PCDHA5: variants seen among roughly 807,000 people sequenced by gnomAD.
PCDHA5 encodes protocadherin alpha-5.
In PCDHA5, 43 loss-of-function variants were observed where a neutral mutation model predicts 61.6. The observed-to-expected ratio is 0.70, with a 90% confidence interval of 0.55 to 0.90. The LOEUF is 0.90. PCDHA5 is among the 40% of genes least tolerant of loss of function. PCDHA5 has a pLI of 0.00. For missense variants in PCDHA5, 1,298 were observed against 1,222.7 expected, an observed-to-expected ratio of 1.06 and a Z score of -0.92; for synonymous variants, 627 against 543.9, an observed-to-expected ratio of 1.15 and a Z score of -2.13.
intron 1 of PCDHA5, among the ~76,000 whole-genome samples, chr5:140,838,280 A>ATTTTT (rs2150286950): frequency 0.017 from 2,338 of 139,538 alleles, 73 homozygotes; most frequent in African/African-American, 0.061. Flanking sequence ...AGCCATGCTA[A>ATTTTT]TTTTTTTTTT....
chr5:140,951,318 G>C (rs2094570791), intron 1 of PCDHA5, among the ~76,000 whole-genome samples: 1 of 152,038 alleles, frequency 6.6e-6, no homozygotes, highest in Non-Finnish European at 1.5e-5. Context: ...TGTTATTCTT[G>C]AGATTCATCA....
At chr5:140,876,223 T>C (rs2056212607) in intron 1 of PCDHA5, 2 of 1,613,782 alleles carry the variant, frequency 1.2e-6, no homozygotes, top group Non-Finnish European at 1.7e-6. Flanking sequence ...TAAAGTAGTG[T>C]TGTCTGAAAA....
intron 1 of PCDHA5, chr5:140,883,657 C>A (rs782568456): frequency 1.2e-6 from 2 of 1,613,470 alleles, no homozygotes; most frequent in East Asian, 4.5e-5. Context: ...ACACGGTGTT[C>A]GTGAAGGAAA....
intron 1 of PCDHA5, among the ~76,000 whole-genome samples, chr5:140,963,059 A>G (rs1307714661): frequency 6.6e-6 from 1 of 152,162 alleles, no homozygotes; most frequent in Non-Finnish European, 1.5e-5. Context: ...GGGTTTCTAC[A>G]TTGTGAAGGA....
In PCDHA5 at chr5:140,937,565, T is replaced by C. The variant is rs528061401; in HGVS notation, c.2353-41384T>C. ...CTGCGAGGCAGAGGTTGCAGTGAGC[T>C]GGGATCGCGTCACTGCACTCTAGCC... On this transcript the variant is annotated intron_variant, in intron 1 of 3. Transcript: ENST00000529859. Among the ~76,000 whole-genome samples the C allele has an allele frequency of 1.9e-3, 290 of 151,276 alleles. 1 individual carries two copies. The highest frequency in any genetic ancestry group is 6.8e-3 in the African/African-American group (279 of 40,958).
chr5:140,921,267 A>G (rs1371688460), intron 1 of PCDHA5, among the ~76,000 whole-genome samples: 2 of 152,168 alleles, frequency 1.3e-5, no homozygotes, highest in Non-Finnish European at 2.9e-5. Flanking sequence ...AGACTTTTAT[A>G]CTTACTTGAA....
At chr5:140,842,245 G>A in intron 1 of PCDHA5, 1 of 1,611,970 alleles carries the variant, frequency 6.2e-7, no homozygotes. Context: ...GGGGTAATTT[G>A]GATTTTGAAC....
At position 140,877,496 on chromosome 5, in the gene PCDHA5, C is replaced by T. The variant is rs563591404; in HGVS notation, c.2352+53369C>T. On this transcript the variant is annotated intron_variant, in intron 1 of 3. Transcript: ENST00000529859. ...GTGTCGCTGGTGGAGAACGGCCAGG[C>T]CCCAAAGACGTCGTCGCGGGCCTCA... 24 of 1,613,862 alleles carry T rather than the reference C, an allele frequency of 1.5e-5. No individual in the cohort carries two copies. In the East Asian group the frequency reaches 4.9e-4, roughly 33 times the overall value.
chr5:141,009,701 C>G lies in PCDHA5; in HGVS notation c.2575C>G (p.Pro859Ala). The G allele has an allele frequency of 6.2e-7, 1 of 1,614,036 alleles. No homozygotes were observed. Among genetic ancestry groups the G allele is most frequent in the South Asian group, 1.1e-5 (1 of 91,056 alleles). The change falls in exon 4 of 4, where the codon CCA (proline) becomes GCA (alanine). Residue 859 changes from proline to alanine, a missense_variant. Coordinates refer to ENST00000529859, the MANE Select transcript of PCDHA5 (RefSeq NM_018908.3). ...NSNSWTFKYG[P>A]GNPKQSGPGE... ...CAACAGCTGGACCTTTAAATACGGA[C>G]CAGGCAACCCCAAACAATCCGGTCC...
At chr5:140,941,424 C>A (rs909959554) in intron 1 of PCDHA5, among the ~76,000 whole-genome samples, 2 of 148,790 alleles carry the variant, frequency 1.3e-5, no homozygotes, top group African/African-American at 5.0e-5. Flanking sequence ...TCAAGCAATT[C>A]TCTGCCTCAG....
chr5:140,822,174 CAG>C lies in PCDHA5; in HGVS notation c.401_402del (p.Arg134ThrfsTer44), dbSNP rs2150114335. 10 of 1,614,246 alleles carry C rather than the reference CAG, an allele frequency of 6.2e-6. No homozygotes were observed. In the East Asian group the frequency reaches 2.0e-4, roughly 32 times the overall value. On this transcript the variant is annotated frameshift_variant, in exon 1 of 4. Coordinates refer to ENST00000529859, the MANE Select transcript of PCDHA5 (RefSeq NM_018908.3). LOFTEE classifies it high-confidence loss of function. The part of the protein sequence containing the change: ...DINDNPPRFS[R>X]QEQRLFILES... ...TCAATGACAATCCGCCCAGGTTCTC[CAG>C]ACAAGAACAAAGATTATTCATTTTA...
intron 1 of PCDHA5, among the ~76,000 whole-genome samples, chr5:140,827,602 C>T (rs2150148400): frequency 1.3e-5 from 2 of 152,268 alleles, no homozygotes; most frequent in Non-Finnish European, 2.9e-5. Flanking sequence ...CAGATGTGGG[C>T]AAGTTTCTTT....
chr5:140,866,758 A>T (rs1554160534), intron 1 of PCDHA5: 1 of 152,196 alleles, frequency 6.6e-6, no homozygotes, highest in Non-Finnish European at 1.5e-5. Flanking sequence ...CTAACAGGAC[A>T]TACAGGCAGA....
intron 2 of PCDHA5, among the ~76,000 whole-genome samples, chr5:140,980,152 C>G (rs1554241475): frequency 6.6e-6 from 1 of 152,040 alleles, no homozygotes; most frequent in African/African-American, 2.4e-5. Context: ...CATGCATATA[C>G]CAGAATATTA....
intron 1 of PCDHA5, chr5:140,848,507 A>G: frequency 1.3e-6 from 2 of 1,588,934 alleles, no homozygotes. Flanking sequence ...TGTTATACTC[A>G]AGTCGAGGAG....
intron 1 of PCDHA5, among the ~76,000 whole-genome samples, chr5:140,959,419 A>G (rs1554224077): frequency 2.0e-5 from 3 of 152,150 alleles, no homozygotes; most frequent in Non-Finnish European, 4.4e-5. Context: ...TTGATCTGAG[A>G]ATTTGTGTAT....
At chr5:140,946,867 G>A (rs1194586546) in intron 1 of PCDHA5, among the ~76,000 whole-genome samples, 1 of 151,282 alleles carries the variant, frequency 6.6e-6, no homozygotes, top group Non-Finnish European at 1.5e-5. Context: ...GGAGAGGTTG[G>A]TCAATGGGTA....
intron 1 of PCDHA5, among the ~76,000 whole-genome samples, chr5:140,839,582 G>A (rs965029185): frequency 6.6e-6 from 1 of 151,908 alleles, no homozygotes; most frequent in African/African-American, 2.4e-5. Flanking sequence ...TAGAGATGGG[G>A]TCTTACCATG....
In PCDHA5 at chr5:140,829,345, G is replaced by A. The variant is rs2150166310; in HGVS notation, c.2352+5218G>A. The A allele has an allele frequency of 4.3e-6, 7 of 1,614,136 alleles. No homozygotes were observed. In the African/African-American group the frequency reaches 8.0e-5, roughly 18 times the overall value. ...ACAGTGCCCTGGACCGCGAGAGCGT[G>A]TCGGCCTATGAGTTGGTGGTAACCG... is the stretch of plus-strand genomic sequence containing the variant. On this transcript the variant is annotated intron_variant, in intron 1 of 3. Transcript: ENST00000529859.
Sources: gnomAD v4.1 joint callset for allele counts (sites outside exome capture counted in the v4.1 genomes callset) on GRCh38, gnomAD v4.1.1 for gene constraint, MANE v1.5 for transcripts, NCBI Gene and HGNC (gene_info 2026-07-23, HGNC 2026-07-21) for gene names.